ITGAD: variants seen among roughly 807,000 people sequenced by gnomAD.
ITGAD encodes the protein integrin subunit alpha D.
ITGAD carries 105 observed loss-of-function variants against 139.0 expected under a neutral mutation model. The ratio of observed to expected loss-of-function variants is 0.76; its 90% CI spans 0.65 to 0.89. The LOEUF (loss-of-function observed/expected upper bound fraction) is 0.89. Among genes scored for constraint, ITGAD ranks in the 40% least tolerant of loss-of-function variants. The pLI is 0.00. For synonymous variants in ITGAD, 569 were observed against 598.3 expected, an observed-to-expected ratio of 0.95 and a Z score of 0.71; for missense variants, 1,384 against 1,487.3, an observed-to-expected ratio of 0.93 and a Z score of 1.14.
At position 31,412,973 on chromosome 16, in the gene ITGAD, C is replaced by T. The variant is rs1348952974; in HGVS notation, c.1838+5C>T. The T allele has an allele frequency of 8.1e-6, 13 of 1,602,900 alleles. No homozygotes were observed. The highest frequency in any genetic ancestry group is 5.1e-5 in the Admixed American group (3 of 58,764). On this transcript the variant is annotated splice_donor_5th_base_variant and intron_variant, in intron 15 of 29. Coordinates refer to ENST00000389202, the MANE Select transcript of ITGAD (RefSeq NM_005353.3). ...GGGCCAGGTGCTCCTGCTCAGGTAG[C>T]GACTCCCCAACATCCTGCCCTCCCG...
Position 31,412,364 on chromosome 16 carries a change from T to C in ITGAD, c.1708-474T>C, listed in dbSNP as rs532478904. On this transcript the variant is annotated intron_variant, in intron 14 of 29. Coordinates refer to ENST00000389202, the MANE Select transcript of ITGAD (RefSeq NM_005353.3). ...TGGCTGTATTTGCTTTCAATTTCTA[T>C]CTCCACATCTCTCCTTTCCAATTTC... Among the ~76,000 whole-genome samples the C allele has an allele frequency of 5.9e-5, 9 of 152,264 alleles. No individual in the cohort carries two copies. In the South Asian group the frequency reaches 1.9e-3, roughly 32 times the overall value.
At chr16:31,424,248 C>T in intron 28 of ITGAD, 45 bp downstream of exon 28, 1 of 1,607,360 alleles carries the variant, frequency 6.2e-7, no homozygotes, top group African/African-American at 1.3e-5. Flanking sequence ...AAGAGGACCC[C>T]TAGGGCTACA....
intron 1 of ITGAD, among the ~76,000 whole-genome samples, chr16:31,393,770 C>T (rs918068103): frequency 1.3e-5 from 2 of 152,096 alleles, no homozygotes; most frequent in African/African-American, 2.4e-5. Context: ...TCCCCCAAGT[C>T]CTGACTGCAC....
At chr16:31,425,157 C>T (rs745800310) in intron 29 of ITGAD, among the ~76,000 whole-genome samples, 3 of 152,094 alleles carry the variant, frequency 2.0e-5, no homozygotes, top group Admixed American at 1.3e-4. Flanking sequence ...CTGCAACCTC[C>T]ACCTCCTAGG....
rs771461692 is a variant in ITGAD, at chr16:31,412,873, G to T, written c.1743G>T (p.Gln581His). 8.1e-6 allele frequency: 13 copies of T among 1,614,138 alleles called. No individual in the cohort carries two copies. In the East Asian group the frequency reaches 2.9e-4, roughly 36 times the overall value. The change falls in exon 15 of 30, where the codon CAG becomes CAT. Residue 581 changes from glutamine to histidine, a missense_variant. By Grantham distance (24) the Gln-to-His change is conservative. Coordinates refer to ENST00000389202, the MANE Select transcript of ITGAD (RefSeq NM_005353.3). ...IASSQLSPRL[Q>H]YFGQALSGGQ... Reference sequence around the variant, plus strand: ...GCTCCCAGCTCTCCCCCAGGCTGCAGTATTTTGGGCAGGCGCTGAGTGGGG... The same window carrying T: ...GCTCCCAGCTCTCCCCCAGGCTGCATTATTTTGGGCAGGCGCTGAGTGGGG...
At chr16:31,394,399 T>C in intron 2 of ITGAD, 58 bp downstream of exon 2, 1 of 1,327,908 alleles carries the variant, frequency 7.5e-7, no homozygotes, top group Non-Finnish European at 1.1e-6. Flanking sequence ...TGTGGATGGG[T>C]ACACGTGGGT....
In ITGAD at chr16:31,422,992, A is replaced by G. The variant is rs1298696304; in HGVS notation, c.2781-122A>G. ...AGGCATGAGCCACTGTGCCCGGCCA[A>G]ATAATGTCCATCGTTATTTCCCTGA... On this transcript the variant is annotated intron_variant, in intron 23 of 29. Coordinates refer to ENST00000389202, the MANE Select transcript of ITGAD (RefSeq NM_005353.3). 5.0e-6 allele frequency: 4 copies of G among 803,824 alleles called. No homozygotes were observed. The African/African-American group carries it at 6.8e-5, about 14-fold the overall frequency. 49.8% of individuals were successfully genotyped at this position (803,824 alleles called of 1,614,324 possible). A position where few individuals can be genotyped will look rare whatever the true frequency, so the allele number is the denominator to read the frequency against.
chr16:31,398,358 C>T (rs1380498083), intron 5 of ITGAD, among the ~76,000 whole-genome samples: 1 of 148,608 alleles, frequency 6.7e-6, no homozygotes, highest in Non-Finnish European at 1.5e-5. Context: ...ACCCAGGAGG[C>T]GGAGGTTGCA....
intron 5 of ITGAD, among the ~76,000 whole-genome samples, chr16:31,399,382 C>T (rs1439260926): frequency 3.9e-5 from 6 of 152,204 alleles, no homozygotes; most frequent in African/African-American, 1.4e-4. Flanking sequence ...TACAGGCAAA[C>T]TGTCTCATCT....
At chr16:31,420,300 TG>T (rs1383897052) in intron 23 of ITGAD, among the ~76,000 whole-genome samples, 3 of 151,990 alleles carry the variant, frequency 2.0e-5, no homozygotes, top group African/African-American at 7.3e-5. Context: ...GTTCTGCAGG[TG>T]GTGGAGGCAC....
intron 10 of ITGAD, among the ~76,000 whole-genome samples, chr16:31,410,174 G>A (rs1305540568): frequency 6.6e-6 from 1 of 152,126 alleles, no homozygotes; most frequent in African/African-American, 2.4e-5. Context: ...GAGAGGCAGT[G>A]GTGAGCACAG....
intron 23 of ITGAD, among the ~76,000 whole-genome samples, chr16:31,421,561 G>A (rs1428184829): frequency 2.6e-5 from 4 of 152,030 alleles, no homozygotes; most frequent in Non-Finnish European, 5.9e-5. Flanking sequence ...ATAGAGAGAA[G>A]GGTTTGGGGT....
At chr16:31,424,403 G>C in intron 28 of ITGAD, 64 bp from the exon 29 acceptor site, 1 of 1,402,784 alleles carries the variant, frequency 7.1e-7, no homozygotes, top group Non-Finnish European at 1.0e-6. Flanking sequence ...AGAGTTAAAG[G>C]TTGCGGAACC....
intron 16 of ITGAD, 61 bp downstream of exon 16, chr16:31,413,307 C>A: frequency 6.4e-7 from 1 of 1,556,494 alleles, no homozygotes; most frequent in Non-Finnish European, 8.8e-7. Context: ...CCAATGCCAT[C>A]CTGAGGATGG....
chr16:31,411,098 C>T lies in ITGAD; in HGVS notation c.1379C>T (p.Ser460Phe). Residue 460 changes from serine (S) to phenylalanine (F), a missense_variant, in exon 13 of 30, where the codon TCC (serine) becomes TTC (phenylalanine). Coordinates refer to ENST00000389202, the MANE Select transcript of ITGAD (RefSeq NM_005353.3). ...CAGATCGGCTCCTACTTCGGGGCCT[C>T]CCTCTGCTCTGTGGATGTGGACAGC... ...GTQIGSYFGA[S>F]LCSVDVDSDG... 6.2e-7 allele frequency: 1 copy of T among 1,612,592 alleles called. No homozygotes were observed.
intron 18 of ITGAD, 101 bp from the exon 19 acceptor site, chr16:31,416,112 C>A (rs1376712919): frequency 2.2e-6 from 2 of 909,150 alleles, no homozygotes; most frequent in African/African-American, 1.6e-5. Flanking sequence ...GTGCTGGGGG[C>A]AGTGGCTTAG....
Position 31,412,984 on chromosome 16 carries a change from C to T in ITGAD, c.1838+16C>T. 2.5e-6 allele frequency: 4 copies of T among 1,601,980 alleles called. No individual in the cohort carries two copies. The highest frequency in any genetic ancestry group is 3.4e-6 in the Non-Finnish European group (4 of 1,173,738). On this transcript the variant is annotated intron_variant, in intron 15 of 29. Transcript: ENST00000389202. The stretch of plus-strand genomic sequence containing the variant: ...TCCTGCTCAGGTAGCGACTCCCCAA[C>T]ATCCTGCCCTCCCGCGCTGTGTCTG...
Position 31,414,915 on chromosome 16 carries a change from T to C in ITGAD, c.2207T>C (p.Val736Ala), listed in dbSNP as rs760102863. The C allele has an allele frequency of 3.1e-6, 5 of 1,614,078 alleles. No homozygotes were observed. Among genetic ancestry groups the C allele is most frequent in the African/African-American group, 1.3e-5 (1 of 75,000 alleles). The change falls in exon 18 of 30, where the codon GTG (valine) becomes GCG (alanine). Residue 736 changes from valine (V) to alanine (A), a missense_variant. By Grantham distance (64) the Val-to-Ala change is moderately conservative. Coordinates refer to ENST00000389202, the MANE Select transcript of ITGAD (RefSeq NM_005353.3). ...ATTCTGCACCTCAACTTCTCACTGG[T>C]GAGAGAGCCCATCCCCTCCCCCCAG... is the stretch of plus-strand genomic sequence containing the variant. ...PIILHLNFSL[V>A]REPIPSPQNL...
chr16:31,393,486 C>T (rs1273844961), intron 1 of ITGAD, 95 bp downstream of exon 1: 1 of 1,350,188 alleles, frequency 7.4e-7, no homozygotes, highest in African/African-American at 1.4e-5. Context: ...CGGCTCCAAC[C>T]ACTCTTATGA....
Sources: allele counts gnomAD v4.1 joint callset (sites outside exome capture counted in the v4.1 genomes callset), GRCh38; gene constraint gnomAD v4.1.1; transcripts MANE v1.5; gene names NCBI Gene and HGNC (gene_info 2026-07-23, HGNC 2026-07-21).